PREX1: variants seen among roughly 807,000 people sequenced by gnomAD.
PREX1 encodes the protein phosphatidylinositol-3,4,5-trisphosphate dependent Rac exchange factor 1, also known as phosphatidylinositol 3,4,5-trisphosphate-dependent Rac exchanger 1 protein.
In PREX1, 41 loss-of-function variants were observed where a neutral mutation model predicts 198.3. The observed-to-expected ratio is 0.21, with a 90% confidence interval of 0.16 to 0.27. PREX1 has a LOEUF of 0.27. Ranked by LOEUF, PREX1 falls within the 10% of genes least tolerant of loss-of-function variation. PREX1 has a pLI of 1.00. For synonymous variants in PREX1, 843 were observed against 887.2 expected (o/e 0.95, Z 0.89); for missense variants, 1,620 against 2,200.7 (o/e 0.74, Z 5.28).
chr20:48,809,067 A>T (rs994532411), intron 1 of PREX1, among the ~76,000 whole-genome samples: 1 of 152,140 alleles, frequency 6.6e-6, no homozygotes, highest in Non-Finnish European at 1.5e-5. Flanking sequence ...CACCTTCCCC[A>T]CCAGGTTCTT....
intron 11 of PREX1, 79 bp downstream of exon 11, chr20:48,681,156 G>C: frequency 8.2e-7 from 1 of 1,215,532 alleles, no homozygotes; most frequent in Non-Finnish European, 1.2e-6. Context: ...GGAGCTGCCT[G>C]AGCTAGTGGA....
chr20:48,628,573 G>C (rs1398527605), intron 37 of PREX1, among the ~76,000 whole-genome samples: 1 of 152,136 alleles, frequency 6.6e-6, no homozygotes, highest in Non-Finnish European at 1.5e-5. Context: ...CAGCATCCCG[G>C]CCTCTACCCA....
chr20:48,846,458 C>G, the PREX1 span, among the ~76,000 whole-genome samples: 1,069 of 152,212 alleles, frequency 7.0e-3, 16 homozygotes, highest in African/African-American at 0.024. Flanking sequence ...GCTGTCTCCT[C>G]CCCCACCATC....
intron 31 of PREX1, 37 bp downstream of exon 31, chr20:48,637,674 C>T (rs767364803): frequency 4.0e-5 from 63 of 1,575,500 alleles, no homozygotes; most frequent in Non-Finnish European, 4.9e-5. Flanking sequence ...TGGAAGAGGC[C>T]GGGTATGTGC....
chr20:48,672,548 G>C (rs1043010867), intron 14 of PREX1, among the ~76,000 whole-genome samples: 4 of 152,248 alleles, frequency 2.6e-5, no homozygotes, highest in African/African-American at 9.6e-5. Context: ...CCTTCCAGGA[G>C]TGGACACAGC....
intron 10 of PREX1, among the ~76,000 whole-genome samples, chr20:48,688,304 G>A (rs1423123568): frequency 6.6e-6 from 1 of 152,122 alleles, no homozygotes; most frequent in East Asian, 1.9e-4. Context: ...AATGAATGAA[G>A]AAGCAACTTG....
intron 14 of PREX1, among the ~76,000 whole-genome samples, chr20:48,675,599 G>A (rs1327234608): frequency 6.6e-6 from 1 of 152,182 alleles, no homozygotes; most frequent in Non-Finnish European, 1.5e-5. Context: ...GTAGAATGGT[G>A]CTCATCGGGA....
the PREX1 span, among the ~76,000 whole-genome samples, chr20:48,877,022 C>A: frequency 6.6e-6 from 1 of 152,182 alleles, no homozygotes; most frequent in African/African-American, 2.4e-5. Flanking sequence ...GTGATCCCAA[C>A]ACTTTGGGAG....
intron 1 of PREX1, among the ~76,000 whole-genome samples, chr20:48,776,333 C>T (rs551663924): frequency 8.2e-4 from 125 of 152,316 alleles, no homozygotes; most frequent in African/African-American, 2.8e-3. Flanking sequence ...CCAATGTCCC[C>T]CATGGACCCC....
At chr20:48,693,732 C>T (rs967059147) in intron 7 of PREX1, among the ~76,000 whole-genome samples, 8 of 151,780 alleles carry the variant, frequency 5.3e-5, no homozygotes, top group Non-Finnish European at 1.2e-4. Context: ...CTCAGCCTCC[C>T]GAGTAACTGG....
chr20:48,748,660 C>T (rs1365672202), intron 1 of PREX1, among the ~76,000 whole-genome samples: 1 of 152,152 alleles, frequency 6.6e-6, no homozygotes, highest in Non-Finnish European at 1.5e-5. Flanking sequence ...CTTTCAGGGG[C>T]TTGGAACAGA....
chr20:48,748,510 AT>A (rs1394900890), intron 1 of PREX1, among the ~76,000 whole-genome samples: 2 of 152,132 alleles, frequency 1.3e-5, no homozygotes, highest in East Asian at 3.9e-4. Context: ...ACACCAAAAA[AT>A]AGCAACGTAT....
chr20:48,692,700 C>A lies in PREX1; in HGVS notation c.1008G>T (p.Met336Ile). Residue 336 changes from methionine (M) to isoleucine (I), a missense_variant, in exon 8 of 40, where the codon ATG becomes ATT. Physicochemically the swap from Met to Ile is conservative, Grantham distance 10. Transcript: ENST00000371941. ...TCCCATCTTCCACATTCTCCACCTC[C>A]ATGACTTCAGTGTTGATTCGACCCC... ...IFRGRINTEV[M>I]EVENVEDGTA... 1 of 1,614,130 alleles carries A rather than the reference C, an allele frequency of 6.2e-7. No homozygotes were observed. The highest frequency in any genetic ancestry group is 8.5e-7 in the Non-Finnish European group (1 of 1,180,006).
intron 10 of PREX1, among the ~76,000 whole-genome samples, chr20:48,687,885 C>T (rs1195028545): frequency 2.0e-5 from 3 of 152,190 alleles, no homozygotes; most frequent in Admixed American, 6.5e-5. Flanking sequence ...ATTTCCCAAA[C>T]AGAGAAAGTG....
At position 48,659,845 on chromosome 20, in the gene PREX1, CAGA is replaced by C. The variant is rs2089576944; in HGVS notation, c.1881+71_1881+73del. 3 of 1,599,446 alleles carry C rather than the reference CAGA, an allele frequency of 1.9e-6. No homozygotes were observed. The African/African-American group carries it at 4.0e-5, about 21-fold the overall frequency. ...CTGAGCCCCCTTCCCTGTGCATAAC[CAGA>C]AGGTCGCCCAGCTCCCATGCCTGCA... is the stretch of plus-strand genomic sequence containing the variant. On this transcript the variant is annotated intron_variant, in intron 16 of 39. Coordinates refer to ENST00000371941, the MANE Select transcript of PREX1 (RefSeq NM_020820.4).
intron 1 of PREX1, among the ~76,000 whole-genome samples, chr20:48,817,508 T>A (rs1033813944): frequency 1.3e-5 from 2 of 152,216 alleles, no homozygotes; most frequent in African/African-American, 4.8e-5. Flanking sequence ...TGTCTCAACA[T>A]ATTTTATAGA....
chr20:48,819,987 A>G (rs1885289), intron 1 of PREX1, among the ~76,000 whole-genome samples: 138,134 of 152,288 alleles, frequency 0.91, 62,932 homozygotes, highest in African/African-American at 0.97. Context: ...CCTGACGGCC[A>G]ATGGCCACCT....
At position 48,666,538 on chromosome 20, in the gene PREX1, T is replaced by A; in HGVS notation, c.1666-183A>T. Among the ~76,000 whole-genome samples the A allele has an allele frequency of 6.7e-6, 1 of 150,342 alleles. No individual in the cohort carries two copies. The highest frequency in any genetic ancestry group is 1.9e-4 in the East Asian group (1 of 5,184). ...TATTATTTTTTATTATTATTATTATTTTTTTGAGACAGAGTCTCACTCTAT... is the reference window on the plus strand; with the variant it reads ...TATTATTTTTTATTATTATTATTATATTTTTGAGACAGAGTCTCACTCTAT... On this transcript the variant is annotated intron_variant, in intron 14 of 39. Coordinates refer to ENST00000371941, the MANE Select transcript of PREX1 (RefSeq NM_020820.4). The surrounding 1 kb of genome is among the most constrained non-coding windows in gnomAD (Gnocchi z 4.3).
At position 48,732,880 on chromosome 20, in the gene PREX1, C is replaced by T. The variant is rs183362210; in HGVS notation, c.519+1666G>A. Among the ~76,000 whole-genome samples, 7 of 152,282 alleles carry T rather than the reference C, an allele frequency of 4.6e-5. No homozygotes were observed. The East Asian group carries it at 9.7e-4, about 21-fold the overall frequency. Reference sequence around the variant, plus strand: ...CCTTCCCGCCCTCCCTCCACCCCACCACCTGGAAGTAGGATGTAGTCAAAG... The same window carrying T: ...CCTTCCCGCCCTCCCTCCACCCCACTACCTGGAAGTAGGATGTAGTCAAAG... On this transcript the variant is annotated intron_variant, in intron 4 of 39. Coordinates refer to ENST00000371941, the MANE Select transcript of PREX1 (RefSeq NM_020820.4).
Sources: gnomAD v4.1 joint callset for allele counts (sites outside exome capture counted in the v4.1 genomes callset) on GRCh38, gnomAD v4.1.1 for gene constraint, Gnocchi (gnomAD v3.1) non-coding constraint, MANE v1.5 for transcripts, NCBI Gene and HGNC (gene_info 2026-07-23, HGNC 2026-07-21) for gene names.